Variants in USP13 observed in about 807,000 individuals in gnomAD.
USP13 encodes ubiquitin specific peptidase 13, also known as ubiquitin carboxyl-terminal hydrolase 13.
Under a neutral mutation model 107.8 loss-of-function variants are expected in USP13, and 68 were observed. That is an observed-to-expected ratio of 0.63 (90% CI 0.52 to 0.77). The LOEUF is 0.77. USP13 is among the 30% of genes least tolerant of loss of function. USP13 has a pLI of 0.00. For missense variants in USP13, 945 were observed against 1,093.3 expected, an observed-to-expected ratio of 0.86 and a Z score of 1.91; for synonymous variants, 377 against 389.5, an observed-to-expected ratio of 0.97 and a Z score of 0.38.
At chr3:179,739,706 C>T (rs531384515) in intron 10 of USP13, among the ~76,000 whole-genome samples, 88 of 152,174 alleles carry the variant, frequency 5.8e-4, no homozygotes, top group African/African-American at 2.0e-3. Context: ...TACATGCACA[C>T]GCCACCATGC....
chr3:179,669,923 G>T (rs904265618), intron 1 of USP13, among the ~76,000 whole-genome samples: 2 of 152,106 alleles, frequency 1.3e-5, no homozygotes, highest in African/African-American at 4.8e-5. Flanking sequence ...GAAGCCTCCA[G>T]TGGCTTTGCT....
chr3:179,676,334 C>T (rs530887902), intron 1 of USP13, among the ~76,000 whole-genome samples: 1 of 152,316 alleles, frequency 6.6e-6, no homozygotes, highest in African/African-American at 2.4e-5. Flanking sequence ...TCACTGTCAT[C>T]TTGAACCTGG....
intron 13 of USP13, among the ~76,000 whole-genome samples, chr3:179,752,021 G>C (rs942797889): frequency 7.2e-5 from 11 of 152,220 alleles, no homozygotes; most frequent in Admixed American, 5.2e-4. Flanking sequence ...GGGATTACAG[G>C]CGTGAGCCAC....
At chr3:179,747,838 A>G (rs13096824) in intron 13 of USP13, among the ~76,000 whole-genome samples, 68,583 of 152,082 alleles carry the variant, frequency 0.45, 15,776 homozygotes, top group East Asian at 0.65. Flanking sequence ...TAGCATATCT[A>G]TCTAGAATCC....
intron 15 of USP13, among the ~76,000 whole-genome samples, chr3:179,755,501 T>C (rs969731848): frequency 6.6e-6 from 1 of 152,150 alleles, no homozygotes; most frequent in African/African-American, 2.4e-5. Context: ...GGTTTCACCT[T>C]GTGAGCGAGG....
Position 179,740,358 on chromosome 3 carries a change from G to T in USP13, c.1366G>T (p.Val456Leu), listed in dbSNP as rs1714147446. 6.2e-7 allele frequency: 1 copy of T among 1,614,038 alleles called. No homozygotes were observed. Among genetic ancestry groups the T allele is most frequent in the Admixed American group, 1.7e-5 (1 of 60,010 alleles). The change falls in exon 11 of 21, where the codon GTG becomes TTG. Residue 456 changes from valine to leucine, a missense_variant. Physicochemically the swap from Val to Leu is conservative, Grantham distance 32 (BLOSUM62 1). Transcript: ENST00000263966. ...QDAQEFFLHL[V>L]NLVERNRIGS... ...TGCCCAGGAATTCTTCTTGCACCTG[G>T]TGAATCTAGTAGAGGTGAGTAGTCA...
chr3:179,749,836 G>A (rs1408849024), intron 13 of USP13, among the ~76,000 whole-genome samples: 1 of 152,182 alleles, frequency 6.6e-6, no homozygotes, highest in Non-Finnish European at 1.5e-5. Flanking sequence ...AGCTTCAAGA[G>A]TCTCAGGGAT....
chr3:179,663,599 A>C (rs976214362), intron 1 of USP13, among the ~76,000 whole-genome samples: 1 of 152,130 alleles, frequency 6.6e-6, no homozygotes, highest in Non-Finnish European at 1.5e-5. Context: ...TTTCCCTTCC[A>C]GTCTGTCACA....
intron 1 of USP13, among the ~76,000 whole-genome samples, chr3:179,668,904 T>G (rs1044926633): frequency 6.6e-6 from 1 of 152,246 alleles, no homozygotes; most frequent in Non-Finnish European, 1.5e-5. Flanking sequence ...TCTTGTCTGG[T>G]TTGCTCTAGA....
intron 1 of USP13, among the ~76,000 whole-genome samples, chr3:179,669,378 T>C (rs1720679163): frequency 6.6e-6 from 1 of 151,726 alleles, no homozygotes; most frequent in Admixed American, 6.6e-5. Context: ...GAGAATCTCT[T>C]GAACTCAGGA....
intron 19 of USP13, among the ~76,000 whole-genome samples, chr3:179,772,988 G>C (rs1715387405): frequency 6.6e-6 from 1 of 152,112 alleles, no homozygotes. Context: ...TCTCAGAGAG[G>C]GCATGAGGGG....
At chr3:179,783,654 T>C (rs956228399) in intron 20 of USP13, among the ~76,000 whole-genome samples, 1 of 152,288 alleles carries the variant, frequency 6.6e-6, no homozygotes, top group East Asian at 1.9e-4. Context: ...GGTTAAAATG[T>C]TTGGAGGTTC....
At chr3:179,704,303 A>G (rs1427904074) in intron 4 of USP13, among the ~76,000 whole-genome samples, 1 of 152,052 alleles carries the variant, frequency 6.6e-6, no homozygotes, top group African/African-American at 2.4e-5. Context: ...GCAAACCAGA[A>G]CGTTTAGAAA....
In USP13 at chr3:179,724,753, G is replaced by T. The variant is rs184090375; in HGVS notation, c.1088+3164G>T. Among the ~76,000 whole-genome samples, 46 of 152,300 alleles carry T rather than the reference G, an allele frequency of 3.0e-4. No individual in the cohort carries two copies. The East Asian group carries it at 8.7e-3, about 29-fold the overall frequency. On this transcript the variant is annotated intron_variant, in intron 8 of 20. Coordinates refer to ENST00000263966, the MANE Select transcript of USP13 (RefSeq NM_003940.3). The stretch of plus-strand genomic sequence containing the variant: ...AGAATTGCTAGATTACAAACAGGAG[G>T]TATAACATCTATGAAAATTATCTAG...
At chr3:179,753,425 G>T (rs974020886) in intron 14 of USP13, among the ~76,000 whole-genome samples, 3 of 152,194 alleles carry the variant, frequency 2.0e-5, no homozygotes, top group Non-Finnish European at 4.4e-5. Context: ...GACCTGAAAA[G>T]CACCTGAGAG....
chr3:179,701,285 T>C (rs1393211332), intron 4 of USP13, among the ~76,000 whole-genome samples, 156 bp downstream of exon 4: 1 of 152,174 alleles, frequency 6.6e-6, no homozygotes, highest in East Asian at 1.9e-4. Context: ...CACATACCTC[T>C]TCTCTTCTGT....
intron 20 of USP13, among the ~76,000 whole-genome samples, chr3:179,782,276 G>T (rs776049275): frequency 6.6e-5 from 10 of 152,110 alleles, no homozygotes; most frequent in Non-Finnish European, 1.3e-4. Flanking sequence ...ATTATATGGG[G>T]CATGCTTCTA....
intron 1 of USP13, among the ~76,000 whole-genome samples, chr3:179,655,548 G>GTTTTTTTTTTTTTTTTTTTTTTTTTTTTT (rs150977876): frequency 4.6e-5 from 6 of 131,394 alleles, no homozygotes; most frequent in African/African-American, 1.7e-4. Context: ...TAATGGGAAG[G>GTTTTTTTTTTTTTTTTTTTTTTTTTTTTT]TTTTTTTTGT....
intron 1 of USP13, among the ~76,000 whole-genome samples, chr3:179,677,138 G>A (rs949259147): frequency 2.6e-5 from 4 of 151,784 alleles, no homozygotes; most frequent in African/African-American, 7.3e-5. Flanking sequence ...AATTACAGGC[G>A]TGAGCCACTG....
Sources: allele counts gnomAD v4.1 joint callset (sites outside exome capture counted in the v4.1 genomes callset), GRCh38; gene constraint gnomAD v4.1.1; transcripts MANE v1.5; gene names NCBI Gene and HGNC (gene_info 2026-07-23, HGNC 2026-07-21).